Variants in RGS12 observed in about 807,000 individuals in gnomAD.
The protein encoded by RGS12 is regulator of G protein signaling 12, also known as regulator of G-protein signaling 12.
RGS12 carries 66 observed loss-of-function variants against 120.1 expected under a neutral mutation model. The observed-to-expected ratio is 0.55, with a 90% CI of 0.45 to 0.67. The LOEUF is 0.67. RGS12 is among the 30% of genes least tolerant of loss of function. RGS12 has a pLI of 0.00. For missense variants in RGS12, 1,859 were observed against 1,957.7 expected (o/e 0.95, Z 0.95); for synonymous variants, 827 against 804.7 (o/e 1.03, Z -0.47).
chr4:3,324,513 G>A, intron 2 of RGS12: 1 of 180,770 alleles, frequency 5.5e-6, no homozygotes, highest in Non-Finnish European at 1.2e-5. Flanking sequence ...TGTGGCCTGA[G>A]GCCTGGGTGA....
At chr4:3,423,054 C>T (rs16844333) in intron 12 of RGS12, 76 bp downstream of exon 12, 17,469 of 1,225,030 alleles carry the variant, frequency 0.014, 182 homozygotes, top group African/African-American at 0.036. Flanking sequence ...CTGGTCTCTG[C>T]GCTTAGCGGG....
rs1372885280 is a variant in RGS12, at chr4:3,417,102, C to G, written c.2607+10C>G. 2 of 1,585,932 alleles carry G rather than the reference C, an allele frequency of 1.3e-6. No individual in the cohort carries two copies. The highest frequency in any genetic ancestry group is 2.2e-5 in the South Asian group (2 of 89,066). ...GTCCACGCCAAAAAAGGTGACCTCC[C>G]CGAGGCTGGCCTCACGCCCCTGTGG... On this transcript the variant is annotated intron_variant, in intron 8 of 17. Coordinates refer to ENST00000336727, the MANE Select transcript of RGS12 (RefSeq NM_001394154.1).
At chr4:3,418,608 CAG>C (rs1722664683) in intron 9 of RGS12, 1 of 152,332 alleles carries the variant, frequency 6.6e-6, no homozygotes, top group African/African-American at 2.4e-5. Flanking sequence ...TCCCCGCCTG[CAG>C]GGGGAAGCGT....
intron 1 of RGS12, among the ~76,000 whole-genome samples, chr4:3,307,148 A>T (rs1297966118): frequency 6.6e-6 from 1 of 152,034 alleles, no homozygotes; most frequent in African/African-American, 2.4e-5. Flanking sequence ...GCTTTATGGG[A>T]TGTGTTGCCG....
intron 1 of RGS12, among the ~76,000 whole-genome samples, chr4:3,293,480 G>A (rs1235885110): frequency 6.6e-6 from 1 of 151,636 alleles, no homozygotes; most frequent in African/African-American, 2.4e-5. Flanking sequence ...GATGCGCCCG[G>A]GAGCGCTGGG....
In RGS12 at chr4:3,430,824, G is replaced by C; in HGVS notation, c.3983G>C (p.Gly1328Ala). 2 of 1,611,886 alleles carry C rather than the reference G, an allele frequency of 1.2e-6. No individual in the cohort carries two copies. Among genetic ancestry groups the C allele is most frequent in the Non-Finnish European group, 1.7e-6 (2 of 1,179,572 alleles). Residue 1328 changes from glycine to alanine, a missense_variant, in exon 17 of 18, where the codon GGC (glycine) becomes GCC (alanine). By Grantham distance (60) the Gly-to-Ala change is moderately conservative. This residue lies in a region of RGS12 where 517 missense variants were observed against 488.5 expected (regional missense o/e 1.06). Coordinates refer to ENST00000336727, the MANE Select transcript of RGS12 (RefSeq NM_001394154.1). The stretch of plus-strand genomic sequence containing the variant: ...CAGTCTCAGGAAGTGGAGGCCGGGG[G>C]CATCCAGACGGTGGAGGATGAGCAC... ...KRQSQEVEAGGIQTVEDEHVA... is the reference protein window; with the variant it reads ...KRQSQEVEAGAIQTVEDEHVA...
At chr4:3,362,951 G>C (rs186009148) in intron 3 of RGS12, among the ~76,000 whole-genome samples, 1 of 146,702 alleles carries the variant, frequency 6.8e-6, no homozygotes, top group Admixed American at 6.8e-5. Flanking sequence ...GTGTGTGCAC[G>C]TGCCAGTGTG....
chr4:3,435,386 G>A (rs1439491187), intron 17 of RGS12, among the ~76,000 whole-genome samples: 4 of 152,096 alleles, frequency 2.6e-5, no homozygotes, highest in Non-Finnish European at 5.9e-5. Flanking sequence ...AGGAGCAGAT[G>A]CAGCTTAGAC....
chr4:3,304,368 CT>C, intron 1 of RGS12, among the ~76,000 whole-genome samples: 1 of 152,320 alleles, frequency 6.6e-6, no homozygotes, highest in South Asian at 2.1e-4. Flanking sequence ...ATTCAGGAGA[CT>C]AAAGCTACCC....
intron 2 of RGS12, among the ~76,000 whole-genome samples, chr4:3,320,068 G>A (rs935429584): frequency 2.0e-5 from 3 of 152,264 alleles, no homozygotes; most frequent in Admixed American, 2.0e-4. Context: ...GTGGTGTAGT[G>A]AAGGTTGACA....
chr4:3,412,592 C>T (rs1193028866), intron 4 of RGS12, among the ~76,000 whole-genome samples: 2 of 152,240 alleles, frequency 1.3e-5, no homozygotes, highest in Admixed American at 6.5e-5. Flanking sequence ...TCCTGCGCAC[C>T]GTGCCACAGG....
In RGS12 at chr4:3,401,846, G is replaced by T. The variant is rs73077187; in HGVS notation, c.2021-12226G>T. On this transcript the variant is annotated intron_variant, in intron 4 of 17. Transcript: ENST00000336727. ...ACTTGCCCACCCGGTTTTAGGAAGA[G>T]AATGGGCAGAATGGCTGGGTTCCCC... Among the ~76,000 whole-genome samples, 687 of 152,402 alleles carry T rather than the reference G, an allele frequency of 4.5e-3. 3 individuals are homozygous for T. The highest frequency in any genetic ancestry group is 0.016 in the African/African-American group (657 of 41,600).
At chr4:3,370,114 C>T in intron 3 of RGS12, 1 of 1,393,966 alleles carries the variant, frequency 7.2e-7, no homozygotes, top group Non-Finnish European at 9.4e-7. Flanking sequence ...CCTGGCAAGC[C>T]ACAGCTTCCT....
intron 6 of RGS12, among the ~76,000 whole-genome samples, 182 bp downstream of exon 6, chr4:3,415,026 G>A (rs1162269362): frequency 7.2e-5 from 8 of 111,296 alleles, no homozygotes; most frequent in Non-Finnish European, 1.4e-4. Flanking sequence ...TGAGAGGGGC[G>A]TGTGAGAGGG....
intron 4 of RGS12, among the ~76,000 whole-genome samples, chr4:3,404,162 C>T (rs962704917): frequency 8.5e-5 from 13 of 152,190 alleles, no homozygotes; most frequent in Middle Eastern, 3.4e-3. Context: ...TAAGCTCCTT[C>T]GTCTACACTT....
At chr4:3,347,136 T>C (rs1168548530) in intron 3 of RGS12, among the ~76,000 whole-genome samples, 10 of 152,204 alleles carry the variant, frequency 6.6e-5, no homozygotes, top group African/African-American at 2.4e-4. Context: ...CTGTAAGTTA[T>C]AAACAGTTTA....
Position 3,300,628 on chromosome 4 carries a change from G to A in RGS12, c.-102+7529G>A, listed in dbSNP as rs140666902. Among the ~76,000 whole-genome samples, 1,345 of 152,318 alleles carry A rather than the reference G, an allele frequency of 8.8e-3. 8 individuals carry two copies. Among genetic ancestry groups the A allele is most frequent in the Middle Eastern group, 0.014 (4 of 294 alleles). On this transcript the variant is annotated intron_variant, in intron 1 of 17. Transcript: ENST00000336727. Reference sequence around the variant, plus strand: ...GGTGTGGCAGAGCTGTGACCCCTCCGAAGGCTTTAGGGGGAGACCCTTCCT... The same window carrying A: ...GGTGTGGCAGAGCTGTGACCCCTCCAAAGGCTTTAGGGGGAGACCCTTCCT...
intron 12 of RGS12, 86 bp from the exon 13 acceptor site, chr4:3,423,429 G>A (rs1723252581): frequency 1.3e-6 from 2 of 1,561,666 alleles, no homozygotes; most frequent in South Asian, 2.3e-5. Context: ...GGGCGGCCTG[G>A]GGCTGTGCTG....
intron 3 of RGS12, among the ~76,000 whole-genome samples, chr4:3,373,402 G>T (rs1211930479): frequency 1.3e-5 from 2 of 152,230 alleles, no homozygotes; most frequent in Non-Finnish European, 2.9e-5. Flanking sequence ...GGTTTCGGGG[G>T]CGTGCCTGGG....
Sources: gnomAD v4.1 joint callset for allele counts (sites outside exome capture counted in the v4.1 genomes callset) on GRCh38, gnomAD v4.1.1 for gene constraint, gnomAD v4.1.1 regional missense constraint, MANE v1.5 for transcripts, NCBI Gene and HGNC (gene_info 2026-07-23, HGNC 2026-07-21) for gene names.